Variants in CDH2 observed in about 807,000 individuals in gnomAD.
The protein encoded by CDH2 is cadherin-2.
Under a neutral mutation model 92.0 loss-of-function variants are expected in CDH2, and 17 were observed. The ratio of observed to expected loss-of-function variants is 0.18; its 90% CI spans 0.13 to 0.28. The LOEUF is 0.28. Among genes scored for constraint, CDH2 ranks in the 10% least tolerant of loss-of-function variants. The pLI, the probability that CDH2 is intolerant of heterozygous loss-of-function variation, is 1.00. For synonymous variants in CDH2, 419 were observed against 415.9 expected (o/e 1.01, Z -0.09); for missense variants, 862 against 1,133.1 (o/e 0.76, Z 3.44).
intron 15 of CDH2, among the ~76,000 whole-genome samples, chr18:27,956,712 T>C (rs1359214256): frequency 1.3e-5 from 2 of 152,204 alleles, no homozygotes; most frequent in African/African-American, 4.8e-5. Context: ...CTGCTCTCTA[T>C]GACTCCTTCC....
At chr18:28,116,799 A>G (rs979316982) in intron 2 of CDH2, among the ~76,000 whole-genome samples, 11 of 152,178 alleles carry the variant, frequency 7.2e-5, no homozygotes, top group Non-Finnish European at 1.6e-4. Flanking sequence ...CAGCTTTACT[A>G]AAGATACCGG....
intron 7 of CDH2, among the ~76,000 whole-genome samples, chr18:27,997,441 G>A (rs2012618448): frequency 6.6e-6 from 1 of 152,206 alleles, no homozygotes; most frequent in Non-Finnish European, 1.5e-5. Context: ...ATGAGTGCAA[G>A]TCTAGAAATG....
intron 2 of CDH2, among the ~76,000 whole-genome samples, chr18:28,091,970 G>A (rs1425162696): frequency 6.6e-6 from 1 of 151,620 alleles, no homozygotes; most frequent in East Asian, 1.9e-4. Context: ...TGCTTGGCTT[G>A]TAGACAATCT....
At chr18:27,946,622 G>GA (rs1455105902), downstream of CDH2, among the ~76,000 whole-genome samples, 1 of 151,944 alleles carries the variant, frequency 6.6e-6, no homozygotes, top group Non-Finnish European at 1.5e-5. Flanking sequence ...CAGAGCATAG[G>GA]AAAAATGGCA....
chr18:28,118,590 A>AGT (rs57324446), intron 2 of CDH2, among the ~76,000 whole-genome samples: 6,149 of 148,392 alleles, frequency 0.041, 191 homozygotes, highest in Admixed American at 0.1. Flanking sequence ...AATTTAGTTC[A>AGT]GTGTGTGTGT....
At chr18:28,026,742 C>A (rs188689607) in intron 2 of CDH2, among the ~76,000 whole-genome samples, 1 of 152,190 alleles carries the variant, frequency 6.6e-6, no homozygotes. Context: ...CTGTAGCATA[C>A]CTGTATTCCA....
chr18:28,008,365 T>C (rs778879697), intron 5 of CDH2, among the ~76,000 whole-genome samples: 4 of 152,192 alleles, frequency 2.6e-5, no homozygotes, highest in Non-Finnish European at 5.9e-5. Context: ...CCTCCAATGA[T>C]ATTAAAAAAT....
intron 1 of CDH2, among the ~76,000 whole-genome samples, chr18:28,159,814 G>A (rs180858702): frequency 5.7e-4 from 87 of 152,166 alleles, no homozygotes; most frequent in African/African-American, 2.0e-3. Flanking sequence ...CCTATACCAC[G>A]CCCAGCTAAT....
chr18:27,945,959 C>T (rs1909258191), intron 6 of CDH2, among the ~76,000 whole-genome samples: 1 of 152,126 alleles, frequency 6.6e-6, no homozygotes, highest in Non-Finnish European at 1.5e-5. Context: ...TAAAATCACA[C>T]ACATATTTGG....
chr18:28,047,634 C>T (rs551028686), intron 2 of CDH2, among the ~76,000 whole-genome samples: 52 of 151,864 alleles, frequency 3.4e-4, no homozygotes, highest in South Asian at 8.3e-4. Flanking sequence ...TTTGGGAGGC[C>T]GAGGTGGGTG....
chr18:28,027,788 T>G (rs2013594907), intron 2 of CDH2, among the ~76,000 whole-genome samples: 1 of 151,988 alleles, frequency 6.6e-6, no homozygotes. Flanking sequence ...AACTCTTTCT[T>G]TTGACAGAAT....
At chr18:28,079,920 A>T (rs2014795665) in intron 2 of CDH2, among the ~76,000 whole-genome samples, 1 of 152,210 alleles carries the variant, frequency 6.6e-6, no homozygotes, top group African/African-American at 2.4e-5. Context: ...GCAAAATATA[A>T]TTTTAGCAAG....
intron 1 of CDH2, among the ~76,000 whole-genome samples, chr18:28,162,915 T>TCATA (rs1419461974): frequency 1.1e-4 from 16 of 152,174 alleles, no homozygotes; most frequent in Admixed American, 9.2e-4. Context: ...TTGGCCTGGC[T>TCATA]CATAGTAAGC....
chr18:28,018,569 G>GA lies in CDH2; in HGVS notation c.173-4661dup, dbSNP rs2013318875. Reference sequence around the variant, plus strand: ...ATAGACCAATGGAACAGAAATGTATGAAAAAATGCTCAACATCACTAATTA... The same window carrying GA: ...ATAGACCAATGGAACAGAAATGTATGAAAAAAATGCTCAACATCACTAATTA... On this transcript the variant is annotated intron_variant, in intron 2 of 15. Coordinates refer to ENST00000269141, the MANE Select transcript of CDH2 (RefSeq NM_001792.5). 1.3e-5 allele frequency among the ~76,000 whole-genome samples: 2 copies of GA among 151,832 alleles called. 1 individual carries two copies. Among genetic ancestry groups the GA allele is most frequent in the African/African-American group, 4.8e-5 (2 of 41,378 alleles).
At chr18:28,100,459 C>T (rs11872284) in intron 2 of CDH2, among the ~76,000 whole-genome samples, 34,781 of 151,824 alleles carry the variant, frequency 0.23, 4,533 homozygotes, top group Non-Finnish European at 0.3. Flanking sequence ...TCTCTTGGGT[C>T]TCCAGCTTGC....
At position 28,012,863 on chromosome 18, in the gene CDH2, A is replaced by G. The variant is rs140182262; in HGVS notation, c.399+820T>C. ...GATTGTGGGTATGTATATCACATTTACAATTAAATACCAGAAATGAATGTG... is the reference window on the plus strand; with the variant it reads ...GATTGTGGGTATGTATATCACATTTGCAATTAAATACCAGAAATGAATGTG... On this transcript the variant is annotated intron_variant, in intron 3 of 15. Coordinates refer to ENST00000269141, the MANE Select transcript of CDH2 (RefSeq NM_001792.5). 7.6e-3 allele frequency among the ~76,000 whole-genome samples: 1,157 copies of G among 152,314 alleles called. 12 individuals are homozygous for G. The highest frequency in any genetic ancestry group is 0.024 in the Middle Eastern group (7 of 294).
chr18:27,993,731 A>G, intron 7 of CDH2, 94 bp from the exon 8 acceptor site: 1 of 915,032 alleles, frequency 1.1e-6, no homozygotes, highest in South Asian at 1.6e-5. Context: ...ATGCAAGGAG[A>G]GCATGGCATC....
chr18:28,164,197 A>AT (rs2073242034), intron 1 of CDH2, among the ~76,000 whole-genome samples: 1 of 152,170 alleles, frequency 6.6e-6, no homozygotes, highest in Non-Finnish European at 1.5e-5. Flanking sequence ...ATTCAAATAC[A>AT]TATCAAACCT....
chr18:28,070,990 T>C (rs562651515), intron 2 of CDH2, among the ~76,000 whole-genome samples: 1 of 152,266 alleles, frequency 6.6e-6, no homozygotes, highest in South Asian at 2.1e-4. Flanking sequence ...ATACCAATAA[T>C]TTGGAGATAA....
Sources: allele counts gnomAD v4.1 joint callset (sites outside exome capture counted in the v4.1 genomes callset), GRCh38; gene constraint gnomAD v4.1.1; transcripts MANE v1.5; gene names NCBI Gene and HGNC (gene_info 2026-07-23, HGNC 2026-07-21).